Variants in NRXN3 observed in about 807,000 individuals in gnomAD.
The protein encoded by NRXN3 is neurexin III.
NRXN3 carries 32 observed loss-of-function variants against 137.6 expected under a neutral mutation model. The observed-to-expected ratio is 0.23, with a 90% confidence interval of 0.18 to 0.31. NRXN3 has a LOEUF of 0.31. Ranked by LOEUF, NRXN3 falls within the 10% of genes least tolerant of loss-of-function variation. NRXN3 has a pLI of 1.00. For missense variants in NRXN3, 1,574 were observed against 2,062.5 expected, an observed-to-expected ratio of 0.76 and a Z score of 4.59; for synonymous variants, 798 against 784.5, an observed-to-expected ratio of 1.02 and a Z score of -0.29.
intron 15 of NRXN3, among the ~76,000 whole-genome samples, chr14:79,042,658 C>A (rs1310064232): frequency 2.0e-5 from 3 of 152,098 alleles, no homozygotes; most frequent in Non-Finnish European, 4.4e-5. Flanking sequence ...AGATTGTTTT[C>A]AGATGGAATA....
intron 20 of NRXN3, among the ~76,000 whole-genome samples, chr14:79,817,614 G>A (rs1174030767): frequency 2.0e-5 from 3 of 152,176 alleles, no homozygotes; most frequent in African/African-American, 7.2e-5. Context: ...GAGGAGCTAA[G>A]CAAATTATCA....
At chr14:79,787,019 C>T (rs144488438) in intron 19 of NRXN3, among the ~76,000 whole-genome samples, 373 of 152,304 alleles carry the variant, frequency 2.4e-3, no homozygotes, top group Non-Finnish European at 4.2e-3. Context: ...CCCCAAATCT[C>T]CATTTTGGCA....
intron 8 of NRXN3, among the ~76,000 whole-genome samples, chr14:78,755,232 G>T (rs757755116): frequency 5.6e-5 from 8 of 144,102 alleles, no homozygotes; most frequent in Non-Finnish European, 4.5e-5. Flanking sequence ...TTGCTATGTC[G>T]CCCAGACTGT....
chr14:78,267,051 C>T (rs935775202), intron 2 of NRXN3, among the ~76,000 whole-genome samples: 22 of 152,138 alleles, frequency 1.4e-4, no homozygotes, highest in African/African-American at 5.1e-4. Context: ...GCTAATCAAC[C>T]ATAAAGTTCT....
At chr14:78,372,209 T>G (rs1318040122) in intron 4 of NRXN3, among the ~76,000 whole-genome samples, 1 of 152,084 alleles carries the variant, frequency 6.6e-6, no homozygotes, top group Non-Finnish European at 1.5e-5. Flanking sequence ...TTCCTGTGGA[T>G]ATAATCATCA....
intron 2 of NRXN3, among the ~76,000 whole-genome samples, chr14:78,254,723 G>A (rs12100846): frequency 0.014 from 2,121 of 150,946 alleles, 53 homozygotes; most frequent in African/African-American, 0.05. Flanking sequence ...CATTGGAGAA[G>A]ATGAAAAGGG....
At chr14:79,251,127 T>C (rs1304103002) in intron 15 of NRXN3, among the ~76,000 whole-genome samples, 1 of 152,150 alleles carries the variant, frequency 6.6e-6, no homozygotes, top group African/African-American at 2.4e-5. Flanking sequence ...GAACTTTCCA[T>C]AGGTGTGAAA....
intron 15 of NRXN3, among the ~76,000 whole-genome samples, chr14:79,424,785 T>TC (rs2095629996): frequency 6.6e-6 from 1 of 152,100 alleles, no homozygotes; most frequent in Non-Finnish European, 1.5e-5. Context: ...TTCTCCTCCC[T>TC]CCCCCCAATA....
intron 4 of NRXN3, among the ~76,000 whole-genome samples, chr14:78,473,819 A>G (rs1464084227): frequency 6.6e-6 from 1 of 152,208 alleles, no homozygotes. Context: ...GGCTGTTGGT[A>G]GAAGACTAAT....
chr14:79,658,527 G>A (rs1455256737), intron 16 of NRXN3, among the ~76,000 whole-genome samples: 1 of 152,158 alleles, frequency 6.6e-6, no homozygotes, highest in East Asian at 1.9e-4. Flanking sequence ...GCATGGCTCA[G>A]GAATGATACT....
At chr14:79,285,403 T>A (rs1247377944) in intron 15 of NRXN3, among the ~76,000 whole-genome samples, 1 of 152,244 alleles carries the variant, frequency 6.6e-6, no homozygotes, top group Non-Finnish European at 1.5e-5. Flanking sequence ...TTGAACTTAC[T>A]CATACTTTCC....
chr14:78,797,589 G>C (rs1338202437), intron 8 of NRXN3, among the ~76,000 whole-genome samples: 1 of 152,098 alleles, frequency 6.6e-6, no homozygotes, highest in Non-Finnish European at 1.5e-5. Context: ...AGAAATTTTA[G>C]AGTTGAAAAG....
rs556509445 is a variant in NRXN3, at chr14:78,934,161, C to CAA, written c.2276-23063_2276-23062dup. ...CACCAGAGGACAAGAAAACGACAAC[C>CAA]AAAAAAAAAAAAAAAAAAACCCCAA... On this transcript the variant is annotated intron_variant, in intron 10 of 20. Coordinates refer to ENST00000335750, the MANE Select transcript of NRXN3 (RefSeq NM_001330195.2). 8.3e-3 allele frequency among the ~76,000 whole-genome samples: 707 copies of CAA among 85,638 alleles called. 8 individuals carry two copies. Among genetic ancestry groups the CAA allele is most frequent in the African/African-American group, 0.025 (643 of 25,742 alleles). The allele number at this position is 85,638 out of a possible 152,430, so 56.2% of individuals were successfully genotyped here.
At chr14:78,975,956 G>A (rs968066554) in intron 14 of NRXN3, among the ~76,000 whole-genome samples, 1 of 152,030 alleles carries the variant, frequency 6.6e-6, no homozygotes, top group Non-Finnish European at 1.5e-5. Flanking sequence ...TGTGATCCAC[G>A]GGAGGGAGGT....
chr14:79,857,880 G>T (rs1423580423), intron 20 of NRXN3, among the ~76,000 whole-genome samples: 1 of 152,046 alleles, frequency 6.6e-6, no homozygotes, highest in East Asian at 1.9e-4. Flanking sequence ...AGCATAATTT[G>T]GGCTCAGATT....
chr14:79,254,661 C>G (rs981116935), intron 15 of NRXN3, among the ~76,000 whole-genome samples: 2 of 152,104 alleles, frequency 1.3e-5, no homozygotes, highest in Non-Finnish European at 2.9e-5. Context: ...GTGCTGGCCT[C>G]AGACCACTTT....
At chr14:79,268,907 C>T (rs1257888802) in intron 15 of NRXN3, among the ~76,000 whole-genome samples, 2 of 152,126 alleles carry the variant, frequency 1.3e-5, no homozygotes, top group African/African-American at 4.8e-5. Flanking sequence ...TGTTTAATCA[C>T]TTCAACCATA....
rs148526969 is a variant in NRXN3, at chr14:78,231,106, G to A, written c.-703-11285G>A. Among the ~76,000 whole-genome samples, 805 of 152,300 alleles carry A rather than the reference G, an allele frequency of 5.3e-3. 8 individuals carry two copies. Among genetic ancestry groups the A allele is most frequent in the African/African-American group, 0.018 (748 of 41,564 alleles). On this transcript the variant is annotated intron_variant, in intron 1 of 20. Coordinates refer to ENST00000335750, the MANE Select transcript of NRXN3 (RefSeq NM_001330195.2). ...CTGTCAACGGGTAAGGAAACCCTGG[G>A]GAGCCTGAAGGTAGAGGAGGAGAGA... is the stretch of plus-strand genomic sequence containing the variant.
At chr14:78,698,178 C>T (rs1339832571) in intron 6 of NRXN3, 2 of 152,022 alleles carry the variant, frequency 1.3e-5, no homozygotes, top group Non-Finnish European at 2.9e-5. Flanking sequence ...TTATAGAACC[C>T]GTCTTACGCA....
Sources: allele counts gnomAD v4.1 joint callset (sites outside exome capture counted in the v4.1 genomes callset), GRCh38; gene constraint gnomAD v4.1.1; transcripts MANE v1.5; gene names NCBI Gene and HGNC (gene_info 2026-07-23, HGNC 2026-07-21).